Variants in ABCC8 observed in about 807,000 individuals in gnomAD.
ABCC8 encodes ATP-binding cassette sub-family C member 8.
ABCC8 carries 137 observed loss-of-function variants against 188.0 expected under a neutral mutation model. That is an observed-to-expected ratio of 0.73 (90% CI 0.63 to 0.84). The LOEUF (loss-of-function observed/expected upper bound fraction) is 0.84, where lower values mean the gene tolerates loss of function less well. Among genes scored for constraint, ABCC8 ranks in the 40% least tolerant of loss-of-function variants. The probability of loss-of-function intolerance (pLI) is 0.00; values close to 1 mark genes in which losing one functional copy is unlikely to be tolerated. For missense variants in ABCC8, 1,750 were observed against 2,072.7 expected (o/e 0.84, Z 3.02); for synonymous variants, 797 against 846.5 (o/e 0.94, Z 1.01).
Position 17,430,922 on chromosome 11 carries a change from T to C in ABCC8, c.1709A>G (p.Asp570Gly). The C allele has an allele frequency of 6.2e-7, 1 of 1,614,188 alleles. No homozygotes were observed. Among genetic ancestry groups the C allele is most frequent in the Non-Finnish European group, 8.5e-7 (1 of 1,180,016 alleles). Reference protein sequence around the residue: ...VGHVSFFKEADFSPSVAFASL... With the variant: ...VGHVSFFKEAGFSPSVAFASL... ...GGCAAAGGCCACGGAGGGCGAGAAG[T>C]CGGCCTCTTTGAAGAAGCTGACGTG... The change falls in exon 12 of 39, where the codon GAC becomes GGC. Residue 570 changes from aspartate to glycine, a missense_variant. Coordinates refer to ENST00000389817, the MANE Select transcript of ABCC8 (RefSeq NM_000352.6).
Position 17,394,416 on chromosome 11 carries a change from G to A in ABCC8, c.4412-17C>T. Reference sequence around the variant, plus strand: ...TGATGGCATCTGAAAACAGCCCGGGGAGATGAAGTAGGACTGAGTTAATCT... The same window carrying A: ...TGATGGCATCTGAAAACAGCCCGGGAAGATGAAGTAGGACTGAGTTAATCT... On this transcript the variant is annotated splice_polypyrimidine_tract_variant and intron_variant, in intron 36 of 38. Coordinates refer to ENST00000389817, the MANE Select transcript of ABCC8 (RefSeq NM_000352.6). 6.2e-7 allele frequency: 1 copy of A among 1,614,182 alleles called. No individual in the cohort carries two copies. The highest frequency in any genetic ancestry group is 8.5e-7 in the Non-Finnish European group (1 of 1,180,048).
intron 28 of ABCC8, 116 bp from the exon 29 acceptor site, chr11:17,402,869 C>T (rs1336223847): frequency 1.2e-5 from 15 of 1,303,226 alleles, no homozygotes; most frequent in Non-Finnish European, 1.6e-5. Flanking sequence ...CCTCTCTAGG[C>T]CTCAGCTTCT....
rs758289249 is a variant in ABCC8, at chr11:17,461,703, G to A, written c.702C>T (p.Asn234=). 39 of 1,614,080 alleles carry A rather than the reference G, an allele frequency of 2.4e-5. No homozygotes were observed. Among genetic ancestry groups the A allele is most frequent in the East Asian group, 4.5e-5 (2 of 44,880 alleles). ...LLSKGTYWWM[N]AFIKTAHKKP... is the part of the protein sequence containing the mutation. ...TCTTGTGGGCAGTCTTGATGAAGGC[G>A]TTCATCCACCAGTAGGTGCCTTTGG... Residue 234 remains asparagine, a synonymous_variant, in exon 5 of 39, where the codon AAC becomes AAT. Transcript: ENST00000389817.
intron 7 of ABCC8, among the ~76,000 whole-genome samples, chr11:17,450,867 T>G (rs1956790115): frequency 6.6e-6 from 1 of 151,212 alleles, no homozygotes; most frequent in African/African-American, 2.4e-5. Context: ...TTTTGTATTT[T>G]TAGTAGAGAT....
intron 16 of ABCC8, among the ~76,000 whole-genome samples, chr11:17,419,862 G>A (rs1029887822): frequency 6.6e-6 from 1 of 152,332 alleles, no homozygotes; most frequent in African/African-American, 2.4e-5. Flanking sequence ...CTCATTGGCT[G>A]TGAAATCTGA....
intron 29 of ABCC8, among the ~76,000 whole-genome samples, chr11:17,399,975 G>A (rs538722672): frequency 2.3e-4 from 35 of 152,286 alleles, no homozygotes; most frequent in Admixed American, 1.7e-3. Flanking sequence ...ACGTAGGCCC[G>A]GCCCAGAGGA....
At chr11:17,428,769 C>T in intron 12 of ABCC8, 99 bp from the exon 13 acceptor site, 3 of 1,559,244 alleles carry the variant, frequency 1.9e-6, no homozygotes. Flanking sequence ...GATCTCAGGC[C>T]TGAAGTATAG....
chr11:17,458,677 G>A (rs1157034549), intron 6 of ABCC8, among the ~76,000 whole-genome samples: 1 of 152,212 alleles, frequency 6.6e-6, no homozygotes, highest in Admixed American at 6.5e-5. Context: ...AAAGTAGAGA[G>A]GCTCAAAAAG....
chr11:17,440,088 C>A (rs1483254257), intron 10 of ABCC8, among the ~76,000 whole-genome samples: 1 of 152,206 alleles, frequency 6.6e-6, no homozygotes, highest in Non-Finnish European at 1.5e-5. Context: ...CCTGCCCCCA[C>A]TACATGACCT....
chr11:17,476,606 C>T (rs1162385754), intron 1 of ABCC8, 23 bp downstream of exon 1: 5 of 1,608,402 alleles, frequency 3.1e-6, no homozygotes, highest in African/African-American at 1.3e-5. Flanking sequence ...TCCCCTCCTC[C>T]GCGGCTCGCT....
intron 10 of ABCC8, among the ~76,000 whole-genome samples, chr11:17,433,001 C>A (rs1371895292): frequency 6.6e-6 from 1 of 152,194 alleles, no homozygotes; most frequent in African/African-American, 2.4e-5. Flanking sequence ...CTTGTTCATA[C>A]ACCCCAGCTC....
At chr11:17,469,077 C>T (rs1276825373) in intron 3 of ABCC8, among the ~76,000 whole-genome samples, 3 of 87,962 alleles carry the variant, frequency 3.4e-5, no homozygotes, top group Admixed American at 1.8e-4. Context: ...TCCCTTCCCT[C>T]CCTCCCTCCT....
chr11:17,416,818 G>C, intron 17 of ABCC8, 112 bp downstream of exon 17: 1 of 1,478,048 alleles, frequency 6.8e-7, no homozygotes, highest in Non-Finnish European at 9.4e-7. Flanking sequence ...AAAATATGTA[G>C]GCTGCACATC....
At chr11:17,450,306 C>CT (rs1175602646) in intron 7 of ABCC8, among the ~76,000 whole-genome samples, 2 of 130,234 alleles carry the variant, frequency 1.5e-5, no homozygotes, top group East Asian at 4.2e-4. Context: ...TTCTTTCTTT[C>CT]TTTCTTTCTT....
At chr11:17,449,942 C>T (rs1956695898) in intron 7 of ABCC8, among the ~76,000 whole-genome samples, 1 of 152,030 alleles carries the variant, frequency 6.6e-6, no homozygotes, top group Admixed American at 6.5e-5. Flanking sequence ...TATATACCTC[C>T]TAGGTTATGT....
rs376413488 is a variant in ABCC8 at position 17,406,963 on chromosome 11, G to T, written c.3087C>A (p.Ile1029=). Residue 1029 remains isoleucine (I), a synonymous_variant, in exon 25 of 39, where the codon ATC becomes ATA. Coordinates refer to ENST00000389817, the MANE Select transcript of ABCC8 (RefSeq NM_000352.6). ...CGGTCCACTTGGCCAGCCAGTAGTC[G>T]ATGGCCACCAGGACCATGTGCTTGA... ...QLLKHMVLVA[I]DYWLAKWTDS... is the part of the protein sequence containing the mutation. The T allele has an allele frequency of 2.1e-5, 34 of 1,614,040 alleles. No individual in the cohort carries two copies. The highest frequency in any genetic ancestry group is 5.0e-5 in the Admixed American group (3 of 60,006).
rs374293141 is a variant in ABCC8, at chr11:17,442,896, C to T, written c.1468-14G>A. ...ATTGGAATACTCCTGCAGGGGTCCCCGAGTCAGAGGGGAGAGGCTTCTGCT... is the reference window on the plus strand; with the variant it reads ...ATTGGAATACTCCTGCAGGGGTCCCTGAGTCAGAGGGGAGAGGCTTCTGCT... On this transcript the variant is annotated splice_polypyrimidine_tract_variant and intron_variant, in intron 9 of 38. Coordinates refer to ENST00000389817, the MANE Select transcript of ABCC8 (RefSeq NM_000352.6). The T allele has an allele frequency of 6.8e-6, 11 of 1,610,010 alleles. No homozygotes were observed. Among genetic ancestry groups the T allele is most frequent in the African/African-American group, 2.7e-5 (2 of 74,872 alleles).
chr11:17,420,679 T>C (rs1029194640), intron 16 of ABCC8, among the ~76,000 whole-genome samples: 4 of 152,210 alleles, frequency 2.6e-5, no homozygotes, highest in African/African-American at 9.6e-5. Flanking sequence ...AGACTGCATG[T>C]GCAGCTCCTC....
chr11:17,454,451 G>T (rs537281980), intron 6 of ABCC8, among the ~76,000 whole-genome samples: 4 of 152,170 alleles, frequency 2.6e-5, no homozygotes, highest in Non-Finnish European at 5.9e-5. Flanking sequence ...TGAGGGATGC[G>T]TGCAAGACTC....
Sources: allele counts gnomAD v4.1 joint callset (sites outside exome capture counted in the v4.1 genomes callset), GRCh38; gene constraint gnomAD v4.1.1; transcripts MANE v1.5; gene names NCBI Gene and HGNC (gene_info 2026-07-23, HGNC 2026-07-21).